GABBR2: variants seen among roughly 807,000 people sequenced by gnomAD.
The protein encoded by GABBR2 is gamma-aminobutyric acid type B receptor subunit 2.
In GABBR2, 23 loss-of-function variants were observed where a neutral mutation model predicts 105.6. That is an observed-to-expected ratio of 0.22 (90% confidence interval 0.16 to 0.31). GABBR2 has a LOEUF of 0.31. Ranked by LOEUF, GABBR2 falls within the 10% of genes least tolerant of loss-of-function variation. The pLI, the probability that GABBR2 is intolerant of heterozygous loss-of-function variation, is 1.00. For synonymous variants in GABBR2, 478 were observed against 499.7 expected (o/e 0.96, Z 0.58); for missense variants, 734 against 1,245.5 (o/e 0.59, Z 6.18).
intron 11 of GABBR2, among the ~76,000 whole-genome samples, chr9:98,379,488 C>T (rs190796409): frequency 7.0e-4 from 107 of 152,316 alleles, no homozygotes; most frequent in Admixed American, 1.2e-3. Flanking sequence ...AGGTTGGCCT[C>T]GAACTCCTGA....
chr9:98,303,489 G>T, intron 15 of GABBR2, 66 bp from the exon 16 acceptor site: 1 of 1,386,150 alleles, frequency 7.2e-7, no homozygotes, highest in Non-Finnish European at 1.0e-6. Context: ...CATCCCACAT[G>T]GCAGACTCTC....
intron 13 of GABBR2, among the ~76,000 whole-genome samples, chr9:98,347,844 C>T (rs547674975): frequency 6.0e-4 from 92 of 152,260 alleles, no homozygotes; most frequent in African/African-American, 1.8e-3. Context: ...AAGGGTGGCG[C>T]CAGGTGGAGA....
chr9:98,442,968 C>A (rs1826057608), intron 7 of GABBR2, among the ~76,000 whole-genome samples: 1 of 152,178 alleles, frequency 6.6e-6, no homozygotes, highest in Non-Finnish European at 1.5e-5. Flanking sequence ...TCTGTAACAA[C>A]CCTATTTCCA....
intron 13 of GABBR2, among the ~76,000 whole-genome samples, chr9:98,328,907 C>A (rs1192612680): frequency 6.6e-6 from 1 of 152,166 alleles, no homozygotes; most frequent in Non-Finnish European, 1.5e-5. Flanking sequence ...AGCCAGGCTG[C>A]CTGAGCTCTA....
chr9:98,360,728 T>A (rs980988972), intron 13 of GABBR2, among the ~76,000 whole-genome samples: 8 of 152,120 alleles, frequency 5.3e-5, no homozygotes, highest in African/African-American at 1.4e-4. Flanking sequence ...GCTAGACACA[T>A]CAGACTGCAC....
At chr9:98,358,691 G>A (rs145966451) in intron 13 of GABBR2, among the ~76,000 whole-genome samples, 4 of 152,210 alleles carry the variant, frequency 2.6e-5, no homozygotes, top group Non-Finnish European at 5.9e-5. Flanking sequence ...GGGGCATGAG[G>A]AGGCTGTGGG....
At chr9:98,429,433 G>A (rs1825760510) in intron 7 of GABBR2, among the ~76,000 whole-genome samples, 1 of 152,072 alleles carries the variant, frequency 6.6e-6, no homozygotes, top group Non-Finnish European at 1.5e-5. Context: ...GAGCCACCAC[G>A]CCTGGCCGGA....
intron 17 of GABBR2, 28 bp from the exon 18 acceptor site, chr9:98,293,930 A>G (rs765262327): frequency 7.9e-7 from 1 of 1,267,602 alleles, no homozygotes; most frequent in African/African-American, 1.5e-5. Flanking sequence ...ATACCACAAC[A>G]TGTTCGGTTA....
chr9:98,706,954 C>G (rs771916771), intron 1 of GABBR2, among the ~76,000 whole-genome samples: 3 of 152,166 alleles, frequency 2.0e-5, no homozygotes, highest in Non-Finnish European at 4.4e-5. Context: ...GATTTCACAC[C>G]GGGTTAGCCC....
intron 1 of GABBR2, among the ~76,000 whole-genome samples, chr9:98,627,882 C>T (rs1471185823): frequency 1.3e-5 from 2 of 152,206 alleles, no homozygotes; most frequent in Non-Finnish European, 1.5e-5. Flanking sequence ...CCCAAGGTCA[C>T]GCAGCTCTTC....
At chr9:98,317,342 T>C (rs1440248865) in intron 13 of GABBR2, among the ~76,000 whole-genome samples, 4 of 152,092 alleles carry the variant, frequency 2.6e-5, no homozygotes, top group Admixed American at 2.0e-4. Context: ...GGAGAGCAGC[T>C]GGCCCGAGAG....
At chr9:98,335,281 G>T (rs1831093714) in intron 13 of GABBR2, among the ~76,000 whole-genome samples, 1 of 152,196 alleles carries the variant, frequency 6.6e-6, no homozygotes. Context: ...CTCTCTCTGA[G>T]TCTGTAATTC....
chr9:98,440,212 T>TGCCC (rs58879405), intron 7 of GABBR2, among the ~76,000 whole-genome samples: 75,066 of 151,408 alleles, frequency 0.5, 19,256 homozygotes, highest in East Asian at 0.89. Context: ...CTTCTTGCTC[T>TGCCC]TGTTCTGTCC....
intron 1 of GABBR2, among the ~76,000 whole-genome samples, chr9:98,669,012 GT>G (rs1316014152): frequency 6.6e-6 from 1 of 151,954 alleles, no homozygotes; most frequent in Non-Finnish European, 1.5e-5. Flanking sequence ...GAACATTGGT[GT>G]ACAGATATCT....
intron 1 of GABBR2, among the ~76,000 whole-genome samples, chr9:98,591,371 G>A (rs918447209): frequency 1.3e-5 from 2 of 152,218 alleles, no homozygotes; most frequent in Non-Finnish European, 2.9e-5. Flanking sequence ...TTGAGCCAGT[G>A]CGTCGGGAAC....
At chr9:98,471,895 A>T (rs1260050685) in intron 6 of GABBR2, among the ~76,000 whole-genome samples, 4 of 152,238 alleles carry the variant, frequency 2.6e-5, no homozygotes, top group African/African-American at 9.6e-5. Context: ...TCTCAAAAAA[A>T]TGTTATATAT....
intron 1 of GABBR2, among the ~76,000 whole-genome samples, chr9:98,618,501 TC>T: frequency 6.6e-6 from 1 of 151,406 alleles, no homozygotes; most frequent in Non-Finnish European, 1.5e-5. Context: ...TCTCTCTCTC[TC>T]TCTCTCTCTC....
At chr9:98,697,637 A>G (rs1391531633) in intron 1 of GABBR2, among the ~76,000 whole-genome samples, 1 of 152,222 alleles carries the variant, frequency 6.6e-6, no homozygotes, top group Non-Finnish European at 1.5e-5. Context: ...TTCTTCATCT[A>G]CCCACCTGCA....
chr9:98,305,584 G>A (rs4743198), intron 15 of GABBR2, among the ~76,000 whole-genome samples: 19,510 of 152,262 alleles, frequency 0.13, 1,534 homozygotes, highest in Middle Eastern at 0.21. Flanking sequence ...GGAGGCCAAG[G>A]CCGGAGGATC....
Sources: gnomAD v4.1 joint callset for allele counts (sites outside exome capture counted in the v4.1 genomes callset) on GRCh38, gnomAD v4.1.1 for gene constraint, MANE v1.5 for transcripts, NCBI Gene and HGNC (gene_info 2026-07-23, HGNC 2026-07-21) for gene names.